SAMD5: variants seen among roughly 807,000 people sequenced by gnomAD.
SAMD5 encodes the protein sterile alpha motif domain containing 5, also known as sterile alpha motif domain-containing protein 5.
In SAMD5, 13 loss-of-function variants were observed where a neutral mutation model predicts 11.3. That is an observed-to-expected ratio of 1.15 (90% CI 0.75 to 1.83). The LOEUF is 1.83. Ranked by LOEUF, SAMD5 falls within the 40% of genes most tolerant of loss-of-function variation. SAMD5 has a pLI of 0.00. For synonymous variants in SAMD5, 129 were observed against 111.3 expected (o/e 1.16, Z -1.00); for missense variants, 255 against 239.1 (o/e 1.07, Z -0.44).
the SAMD5 span, among the ~76,000 whole-genome samples, chr6:147,922,472 G>T: frequency 6.6e-6 from 1 of 152,150 alleles, no homozygotes; most frequent in African/African-American, 2.4e-5. Context: ...TCTTAAGGTG[G>T]CTCTGCCCCT....
At chr6:147,849,128 T>C in the SAMD5 span, among the ~76,000 whole-genome samples, 1 of 150,924 alleles carries the variant, frequency 6.6e-6, no homozygotes, top group Non-Finnish European at 1.5e-5. Context: ...GTGTAATAGT[T>C]GAAGATAAAT....
chr6:147,832,114 A>G, the SAMD5 span, among the ~76,000 whole-genome samples: 4 of 152,130 alleles, frequency 2.6e-5, no homozygotes, highest in African/African-American at 9.7e-5. Flanking sequence ...GGGAAGAAAA[A>G]CCTAATACAT....
At chr6:147,733,618 C>T (rs1264890116) in intron 1 of SAMD5, 1 of 161,222 alleles carries the variant, frequency 6.2e-6, no homozygotes. Flanking sequence ...ATCCAATTCT[C>T]CAGGTAGAAC....
the SAMD5 span, among the ~76,000 whole-genome samples, chr6:147,762,238 C>G: frequency 6.6e-6 from 1 of 152,160 alleles, no homozygotes; most frequent in African/African-American, 2.4e-5. Flanking sequence ...CACGGTCTCA[C>G]TCTGTCACCC....
At chr6:147,762,255 G>C in the SAMD5 span, among the ~76,000 whole-genome samples, 1 of 152,062 alleles carries the variant, frequency 6.6e-6, no homozygotes, top group Non-Finnish European at 1.5e-5. Context: ...ACCCAAGCTG[G>C]AGTACAGTGG....
rs1211789509 is a variant in SAMD5, at chr6:147,712,488, G to A, written c.163-24829G>A. ...TCCATGTTTTTTCCGCTCCACTCAT[G>A]TTATGGGCTGAATGTTTGCTTCTCC... On this transcript the variant is annotated intron_variant, in intron 1 of 1. Coordinates refer to the SAMD5 transcript ENST00000566741. Among the ~76,000 whole-genome samples the A allele has an allele frequency of 3.9e-5, 6 of 152,160 alleles. 1 individual carries two copies. The highest frequency in any genetic ancestry group is 8.8e-5 in the Non-Finnish European group (6 of 68,028).
the SAMD5 span, among the ~76,000 whole-genome samples, chr6:147,870,938 C>G: frequency 3.1e-3 from 469 of 152,142 alleles, 2 homozygotes; most frequent in Non-Finnish European, 5.4e-3. Context: ...AGGATAAAGT[C>G]CACATTTGTA....
At chr6:147,647,971 C>T (rs1284883048) in intron 1 of SAMD5, among the ~76,000 whole-genome samples, 3 of 152,164 alleles carry the variant, frequency 2.0e-5, no homozygotes, top group African/African-American at 4.8e-5. Context: ...ATCAAGGTTA[C>T]GTGACAGAAT....
chr6:147,509,238 C>T lies in SAMD5; in HGVS notation c.310C>T (p.Gln104Ter), dbSNP rs1182951639. 6 of 1,485,462 alleles carry T rather than the reference C, an allele frequency of 4.0e-6. No homozygotes were observed. The highest frequency in any genetic ancestry group is 5.4e-6 in the Non-Finnish European group (6 of 1,117,978). The allele number at this position is 1,485,462 out of a possible 1,614,324, so 92.0% of individuals were successfully genotyped here. A position where few individuals can be genotyped will look rare whatever the true frequency, so the allele number is the denominator to read the frequency against. Residue 104 changes from glutamine (Q) to a stop codon, truncating the protein, a stop_gained, in exon 1 of 2, where the codon CAG becomes TAG. Coordinates refer to ENST00000367474, the MANE Select transcript of SAMD5 (RefSeq NM_001030060.3). LOFTEE classifies it high-confidence loss of function. ...RRGEPCGGPA[Q>*]GTRGDSRGHT... ...GGGGGAGCCGTGCGGCGGCCCGGCCCAGGGCACCCGCGGGGACTCTCGCGG... is the reference window on the plus strand; with the variant it reads ...GGGGGAGCCGTGCGGCGGCCCGGCCTAGGGCACCCGCGGGGACTCTCGCGG...
At chr6:147,613,880 A>G (rs9403864) in intron 1 of SAMD5, among the ~76,000 whole-genome samples, 80,543 of 151,526 alleles carry the variant, frequency 0.53, 21,726 homozygotes, top group Middle Eastern at 0.61. Context: ...TCCCAGCTGC[A>G]TTCATCCACC....
the SAMD5 span, among the ~76,000 whole-genome samples, chr6:147,830,507 C>T: frequency 6.6e-6 from 1 of 151,998 alleles, no homozygotes; most frequent in Non-Finnish European, 1.5e-5. Flanking sequence ...TCCGCCGCCT[C>T]AGCCTCCCAA....
At chr6:147,753,064 G>A in the SAMD5 span, among the ~76,000 whole-genome samples, 1 of 152,180 alleles carries the variant, frequency 6.6e-6, no homozygotes, top group Non-Finnish European at 1.5e-5. Context: ...ATTTTACAAG[G>A]AGTATGACCG....
chr6:147,950,761 C>G, the SAMD5 span, among the ~76,000 whole-genome samples: 4 of 152,092 alleles, frequency 2.6e-5, no homozygotes, highest in African/African-American at 9.7e-5. Context: ...CAGTCTGTTC[C>G]CGAAAACCCA....
At chr6:147,893,712 T>A in the SAMD5 span, among the ~76,000 whole-genome samples, 1 of 152,176 alleles carries the variant, frequency 6.6e-6, no homozygotes, top group African/African-American at 2.4e-5. Context: ...GTGCATTTCT[T>A]TTTTTAGCAT....
the SAMD5 span, among the ~76,000 whole-genome samples, chr6:147,936,513 G>A: frequency 2.0e-5 from 3 of 152,096 alleles, no homozygotes; most frequent in Admixed American, 6.5e-5. Flanking sequence ...ACTATCATGA[G>A]GACAGCACCA....
At chr6:147,906,767 C>A in the SAMD5 span, among the ~76,000 whole-genome samples, 1 of 152,118 alleles carries the variant, frequency 6.6e-6, no homozygotes, top group Non-Finnish European at 1.5e-5. Flanking sequence ...AGAAAAGTCT[C>A]GAGGCAGGTA....
the SAMD5 span, among the ~76,000 whole-genome samples, chr6:147,757,966 A>G: frequency 6.6e-6 from 1 of 152,154 alleles, no homozygotes; most frequent in African/African-American, 2.4e-5. Flanking sequence ...ATGAAATCAT[A>G]TGTAAATTAC....
intron 1 of SAMD5, among the ~76,000 whole-genome samples, chr6:147,628,306 G>C (rs1038352741): frequency 2.0e-5 from 3 of 152,200 alleles, no homozygotes; most frequent in African/African-American, 7.2e-5. Flanking sequence ...TAAAGGATCT[G>C]TGGTTAACAT....
At chr6:147,703,315 G>A (rs747362914) in intron 1 of SAMD5, among the ~76,000 whole-genome samples, 83 of 152,226 alleles carry the variant, frequency 5.5e-4, no homozygotes, top group Non-Finnish European at 2.6e-4. Flanking sequence ...CAGGTGATCT[G>A]CCCACCTCAG....
Sources: gnomAD v4.1 joint callset for allele counts (sites outside exome capture counted in the v4.1 genomes callset) on GRCh38, gnomAD v4.1.1 for gene constraint, MANE v1.5 for transcripts, NCBI Gene and HGNC (gene_info 2026-07-23, HGNC 2026-07-21) for gene names.